The following KCNQ1OT1 variants were observed in gnomAD, a reference collection of about 807,000 sequenced individuals.
KCNQ1OT1 encodes the protein KCNQ1 antisense RNA 2 (non-protein coding).
At chr11:2,615,023 A>G (rs1003796765) in exon 1 of KCNQ1OT1, 11 of 398,294 alleles carry the variant, frequency 2.8e-5, no homozygotes, top group Non-Finnish European at 4.9e-5. Flanking sequence ...CCAATCTGTG[A>G]ACACAGGATG....
rs776863169 is a variant in KCNQ1OT1 at position 2,640,800 on chromosome 11, T to C, written n.59195A>G. On this transcript the variant is annotated non_coding_transcript_exon_variant, in exon 1 of 1. Coordinates refer to ENST00000597346, the Ensembl canonical transcript of KCNQ1OT1. ...TTTATTCTAACTAGCTGTGTATTTTTACCCACTAACCAACCTCTCTTCACC... is the reference window on the plus strand; with the variant it reads ...TTTATTCTAACTAGCTGTGTATTTTCACCCACTAACCAACCTCTCTTCACC... The C allele has an allele frequency of 1.9e-4, 75 of 398,560 alleles. No individual in the cohort carries two copies. Among genetic ancestry groups the C allele is most frequent in the Non-Finnish European group, 3.0e-4 (68 of 226,050 alleles). The allele number at this position is 398,560 out of a possible 1,614,324, so 24.7% of individuals were successfully genotyped here.
At chr11:2,667,334 G>A (rs1850095252) in exon 1 of KCNQ1OT1, 3 of 398,516 alleles carry the variant, frequency 7.5e-6, no homozygotes, top group Non-Finnish European at 8.8e-6. Context: ...AAGCAGTGAG[G>A]CTTCTCATTT....
Position 2,620,361 on chromosome 11 carries a change from C to G in KCNQ1OT1, n.79634G>C. Reference sequence around the variant, plus strand: ...CCTCCTGAGTAGCTGGGATTAGAGGCATGCGCCACCACGTCCAGCTAATTT... The same window carrying G: ...CCTCCTGAGTAGCTGGGATTAGAGGGATGCGCCACCACGTCCAGCTAATTT... On this transcript the variant is annotated non_coding_transcript_exon_variant, in exon 1 of 1. Coordinates refer to ENST00000597346, the Ensembl canonical transcript of KCNQ1OT1. The surrounding 1 kb of genome is among the most constrained non-coding windows in gnomAD (Gnocchi z 4.5). 1 of 203,492 alleles carries G rather than the reference C, an allele frequency of 4.9e-6. No homozygotes were observed. The highest frequency in any genetic ancestry group is 9.7e-6 in the Non-Finnish European group (1 of 103,464). 12.6% of individuals were successfully genotyped at this position (203,492 alleles called of 1,614,324 possible). A position where few individuals can be genotyped will look rare whatever the true frequency, so the allele number is the denominator to read the frequency against.
chr11:2,623,038 G>A lies in KCNQ1OT1; in HGVS notation n.76957C>T. ...TCCCCATGTGTCAGGGGAGGGGCCT[G>A]GTGGGGGGCAAACTTCCCCCTTGCT... On this transcript the variant is annotated non_coding_transcript_exon_variant, in exon 1 of 1. Transcript: ENST00000597346. The surrounding 1 kb of genome is among the most constrained non-coding windows in gnomAD (Gnocchi z 5.2). 1 of 398,618 alleles carries A rather than the reference G, an allele frequency of 2.5e-6. No homozygotes were observed. The highest frequency in any genetic ancestry group is 2.1e-5 in the African/African-American group (1 of 48,730). 24.7% of individuals were successfully genotyped at this position (398,618 alleles called of 1,614,324 possible). A position where few individuals can be genotyped will look rare whatever the true frequency, so the allele number is the denominator to read the frequency against.
In KCNQ1OT1 at chr11:2,608,898, C is replaced by T. The variant is rs181135470; in HGVS notation, n.91097G>A. On this transcript the variant is annotated non_coding_transcript_exon_variant, in exon 1 of 1. Coordinates refer to ENST00000597346, the Ensembl canonical transcript of KCNQ1OT1. The surrounding 1 kb of genome is among the most constrained non-coding windows in gnomAD (Gnocchi z 4.6). ...CACTTCCCTCTCTGTCTTTCCTCCT[C>T]CCCCTCTTTCTTCCTCCCCTTCTTT... 4 of 398,342 alleles carry T rather than the reference C, an allele frequency of 1.0e-5. No individual in the cohort carries two copies. The highest frequency in any genetic ancestry group is 8.2e-5 in the African/African-American group (4 of 48,668). The allele number at this position is 398,342 out of a possible 1,614,324, so 24.7% of individuals were successfully genotyped here.
In KCNQ1OT1 at chr11:2,659,461, G is replaced by A. The variant is rs186087311; in HGVS notation, n.40534C>T. The A allele has an allele frequency of 2.5e-3, 989 of 398,520 alleles. 5 individuals carry two copies. The highest frequency in any genetic ancestry group is 3.3e-3 in the Admixed American group (74 of 22,734). The allele number at this position is 398,520 out of a possible 1,614,324, so 24.7% of individuals were successfully genotyped here. The stretch of plus-strand genomic sequence containing the variant: ...GTTAATTTCTTTTTATTGCTGGGTG[G>A]TATTCCATTGCATGAATATATACAT... On this transcript the variant is annotated non_coding_transcript_exon_variant, in exon 1 of 1. Transcript: ENST00000597346. The surrounding 1 kb of genome is among the most constrained non-coding windows in gnomAD (Gnocchi z 4.3).
chr11:2,694,455 C>T (rs984939964), exon 1 of KCNQ1OT1: 11 of 398,518 alleles, frequency 2.8e-5, no homozygotes, highest in South Asian at 2.5e-4. Flanking sequence ...TAAATGACAG[C>T]CCCTCACAAC....
At position 2,661,835 on chromosome 11, in the gene KCNQ1OT1, C is replaced by A; in HGVS notation, n.38160G>T. The A allele has an allele frequency of 8.2e-7, 1 of 1,225,444 alleles. No homozygotes were observed. Among genetic ancestry groups the A allele is most frequent in the South Asian group, 1.2e-5 (1 of 81,408 alleles). 75.9% of individuals were successfully genotyped at this position (1,225,444 alleles called of 1,614,324 possible). A position where few individuals can be genotyped will look rare whatever the true frequency, so the allele number is the denominator to read the frequency against. On this transcript the variant is annotated non_coding_transcript_exon_variant, in exon 1 of 1. Transcript: ENST00000597346. The surrounding 1 kb of genome is among the most constrained non-coding windows in gnomAD (Gnocchi z 5.9). ...AACACCCAACTATAAAACTGATTGT[C>A]AGGGCTGGAGCTTCCAGGCACAAGC...
Position 2,620,951 on chromosome 11 carries a change from T to TTG in KCNQ1OT1, n.79043_79044insCA, listed in dbSNP as rs763890833. 3.7e-4 allele frequency: 145 copies of TTG among 396,904 alleles called. No individual in the cohort carries two copies. The highest frequency in any genetic ancestry group is 1.0e-3 in the African/African-American group (48 of 47,814). The allele number at this position is 396,904 out of a possible 1,614,324, so 24.6% of individuals were successfully genotyped here. On this transcript the variant is annotated non_coding_transcript_exon_variant, in exon 1 of 1. Coordinates refer to ENST00000597346, the Ensembl canonical transcript of KCNQ1OT1. This position sits in a 1 kb window ranked among gnomAD's most constrained non-coding sequence, Gnocchi z 4.5. Reference sequence around the variant, plus strand: ...TTTGTTGTTGTTGTTTTGTTTTGTTTTTTTTTGTCTGTTTTTTGCTTTTTT... The same window carrying TTG: ...TTTGTTGTTGTTGTTTTGTTTTGTTTTGTTTTTTGTCTGTTTTTTGCTTTTTT...
exon 1 of KCNQ1OT1, chr11:2,637,387 G>T (rs936868842): frequency 1.3e-5 from 2 of 152,154 alleles, no homozygotes; most frequent in African/African-American, 2.4e-5. Context: ...TTGTGTCTTT[G>T]TTCTCATTGG....
Position 2,682,322 on chromosome 11 carries a change from C to T in KCNQ1OT1, n.17673G>A, listed in dbSNP as rs1213570945. 2.5e-6 allele frequency: 1 copy of T among 398,448 alleles called. No individual in the cohort carries two copies. Among genetic ancestry groups the T allele is most frequent in the East Asian group, 3.6e-5 (1 of 28,084 alleles). 24.7% of individuals were successfully genotyped at this position (398,448 alleles called of 1,614,324 possible). A position where few individuals can be genotyped will look rare whatever the true frequency, so the allele number is the denominator to read the frequency against. On this transcript the variant is annotated non_coding_transcript_exon_variant, in exon 1 of 1. Transcript: ENST00000597346. The surrounding 1 kb of genome is among the most constrained non-coding windows in gnomAD (Gnocchi z 5.8). ...CTCCCCTCCCATTCTTAATGTGTAACTGTGTGTTTATTTGTGGTAAAGGGT... is the reference window on the plus strand; with the variant it reads ...CTCCCCTCCCATTCTTAATGTGTAATTGTGTGTTTATTTGTGGTAAAGGGT...
At chr11:2,699,814 C>T (rs568231950) in exon 1 of KCNQ1OT1, 6 of 397,222 alleles carry the variant, frequency 1.5e-5, no homozygotes, top group African/African-American at 8.3e-5. Context: ...GGGAGAACCA[C>T]GATGACTGAC....
exon 1 of KCNQ1OT1, chr11:2,619,251 A>G: frequency 5.0e-6 from 2 of 398,452 alleles, no homozygotes; most frequent in Non-Finnish European, 8.8e-6. Flanking sequence ...CTTGCCTTGT[A>G]CTGGTTCATA....
chr11:2,642,368 G>T lies in KCNQ1OT1; in HGVS notation n.57627C>A, dbSNP rs1849593267. Reference sequence around the variant, plus strand: ...CATTCCTAGATTTTTTGTAGTGGTTGTAAAAGATAATGCCTTCTTGATTTC... The same window carrying T: ...CATTCCTAGATTTTTTGTAGTGGTTTTAAAAGATAATGCCTTCTTGATTTC... On this transcript the variant is annotated non_coding_transcript_exon_variant, in exon 1 of 1. Coordinates refer to ENST00000597346, the Ensembl canonical transcript of KCNQ1OT1. This position sits in a 1 kb window ranked among gnomAD's most constrained non-coding sequence, Gnocchi z 4.3. 5.0e-6 allele frequency: 2 copies of T among 398,010 alleles called. No individual in the cohort carries two copies. The highest frequency in any genetic ancestry group is 2.1e-5 in the African/African-American group (1 of 48,600). The allele number at this position is 398,010 out of a possible 1,614,324, so 24.7% of individuals were successfully genotyped here. A position where few individuals can be genotyped will look rare whatever the true frequency, so the allele number is the denominator to read the frequency against.
exon 1 of KCNQ1OT1, chr11:2,665,434 C>T (rs1590017657): frequency 5.0e-6 from 2 of 397,724 alleles, no homozygotes; most frequent in East Asian, 7.1e-5. Context: ...TCACTATCCT[C>T]TGCTCACCAA....
At chr11:2,697,339 C>T (rs1037335305) in exon 1 of KCNQ1OT1, 3 of 398,620 alleles carry the variant, frequency 7.5e-6, no homozygotes, top group Non-Finnish European at 1.3e-5. Context: ...CTATGAGCTA[C>T]ACTAAGTTTT....
exon 1 of KCNQ1OT1, chr11:2,619,358 T>A (rs1249502952): frequency 5.0e-6 from 2 of 398,446 alleles, no homozygotes; most frequent in Admixed American, 4.4e-5. Flanking sequence ...CTTCTATACC[T>A]GAACTGTTAG....
rs1464195107 is a variant in KCNQ1OT1 at position 2,651,172 on chromosome 11, C to A, written n.48823G>T. On this transcript the variant is annotated non_coding_transcript_exon_variant, in exon 1 of 1. Coordinates refer to ENST00000597346, the Ensembl canonical transcript of KCNQ1OT1. This position sits in a 1 kb window ranked among gnomAD's most constrained non-coding sequence, Gnocchi z 6.1. The stretch of plus-strand genomic sequence containing the variant: ...AAATGTACAGTGGATCTTGCTGCTT[C>A]CCTACTCAAATGTTCCGACAGCTTC... The A allele has an allele frequency of 2.5e-6, 1 of 398,412 alleles. No individual in the cohort carries two copies. The highest frequency in any genetic ancestry group is 2.1e-5 in the African/African-American group (1 of 48,572). The allele number at this position is 398,412 out of a possible 1,614,324, so 24.7% of individuals were successfully genotyped here.
chr11:2,665,289 C>T (rs1850046149), exon 1 of KCNQ1OT1: 1 of 398,322 alleles, frequency 2.5e-6, no homozygotes, highest in African/African-American at 2.1e-5. Context: ...CCACCCAGAA[C>T]CATATGACAG....
Sources: allele counts gnomAD v4.1 joint callset, GRCh38; gene constraint gnomAD v4.1.1; non-coding constraint Gnocchi (gnomAD v3.1); transcripts MANE v1.5; gene names NCBI Gene and HGNC (gene_info 2026-07-23, HGNC 2026-07-21).